Variants in LARGE1 observed in about 807,000 individuals in gnomAD.
LARGE1 encodes LARGE xylosyl- and glucuronyltransferase 1.
Under a neutral mutation model 87.6 loss-of-function variants are expected in LARGE1, and 43 were observed. That is an observed-to-expected ratio of 0.49 (90% CI 0.38 to 0.63). The LOEUF (loss-of-function observed/expected upper bound fraction) is 0.63, where lower values mean the gene tolerates loss of function less well. Ranked by LOEUF, LARGE1 falls within the 30% of genes least tolerant of loss-of-function variation. The pLI, the probability that LARGE1 is intolerant of heterozygous loss-of-function variation, is 0.00. For missense variants in LARGE1, 802 were observed against 1,000.2 expected (o/e 0.80, Z 2.67); for synonymous variants, 434 against 394.6 (o/e 1.10, Z -1.18).
intron 11 of LARGE1, among the ~76,000 whole-genome samples, chr22:33,305,124 CAT>C (rs555435991): frequency 2.8e-4 from 43 of 152,132 alleles, no homozygotes; most frequent in African/African-American, 9.6e-4. Flanking sequence ...AGAGGCCAGA[CAT>C]GTGTAGACAG....
intron 6 of LARGE1, among the ~76,000 whole-genome samples, chr22:33,466,694 A>C (rs963983790): frequency 9.5e-5 from 8 of 83,778 alleles, no homozygotes; most frequent in Non-Finnish European, 1.8e-4. Context: ...CTCTCTCTCT[A>C]CACACACACA....
chr22:33,778,106 G>A (rs558022847), intron 1 of LARGE1, among the ~76,000 whole-genome samples: 4 of 152,334 alleles, frequency 2.6e-5, no homozygotes, highest in Non-Finnish European at 4.4e-5. Flanking sequence ...AGGAGGAAAA[G>A]AGTCAGGAAA....
In LARGE1 at chr22:33,709,479, T is replaced by C. The variant is rs145509474; in HGVS notation, c.106+51892A>G. Among the ~76,000 whole-genome samples, 8 of 152,238 alleles carry C rather than the reference T, an allele frequency of 5.3e-5. No homozygotes were observed. The East Asian group carries it at 1.5e-3, about 29-fold the overall frequency. On this transcript the variant is annotated intron_variant, in intron 2 of 14. Transcript: ENST00000397394. ...CTTTACCCCTACTAGTCATTTGCAT[T>C]GAATGCACGCCAAGACTGCACTTGG...
At chr22:33,904,084 A>T (rs1240007746) in intron 1 of LARGE1, among the ~76,000 whole-genome samples, 1 of 152,134 alleles carries the variant, frequency 6.6e-6, no homozygotes, top group Non-Finnish European at 1.5e-5. Context: ...CTCTCCTAGA[A>T]TGACTCCTTC....
At chr22:33,536,484 T>A (rs2077047262) in intron 6 of LARGE1, among the ~76,000 whole-genome samples, 1 of 152,252 alleles carries the variant, frequency 6.6e-6, no homozygotes, top group South Asian at 2.1e-4. Context: ...GAGAGAGTGA[T>A]AAACCAGACA....
chr22:33,661,150 T>C (rs2081110331), intron 2 of LARGE1, among the ~76,000 whole-genome samples: 1 of 152,162 alleles, frequency 6.6e-6, no homozygotes, highest in Non-Finnish European at 1.5e-5. Context: ...TTTGTGAATC[T>C]ATACTTGCTG....
At chr22:33,374,100 A>G (rs2064917037) in intron 9 of LARGE1, among the ~76,000 whole-genome samples, 1 of 152,128 alleles carries the variant, frequency 6.6e-6, no homozygotes, top group African/African-American at 2.4e-5. Flanking sequence ...TAACCAAGAA[A>G]CTTCCCGTGC....
intron 1 of LARGE1, among the ~76,000 whole-genome samples, chr22:33,879,198 T>C (rs1435468221): frequency 3.3e-5 from 5 of 152,164 alleles, no homozygotes. Context: ...TCTCCTGACC[T>C]CAGGTGATCT....
At chr22:33,565,815 C>T (rs1392832341) in intron 5 of LARGE1, among the ~76,000 whole-genome samples, 2 of 152,198 alleles carry the variant, frequency 1.3e-5, no homozygotes, top group African/African-American at 2.4e-5. Context: ...TGCAGGTGGG[C>T]AGAGTCATCA....
chr22:33,623,039 A>C (rs1289933925), intron 4 of LARGE1, among the ~76,000 whole-genome samples: 2 of 152,164 alleles, frequency 1.3e-5, no homozygotes. Context: ...TTTATACACA[A>C]CACCAGAGGT....
At chr22:33,109,705 G>A in the LARGE1 span, among the ~76,000 whole-genome samples, 4 of 152,192 alleles carry the variant, frequency 2.6e-5, no homozygotes, top group Non-Finnish European at 5.9e-5. Flanking sequence ...GGCCTAGTGG[G>A]AGTGGGAGAT....
At chr22:33,149,072 C>T in the LARGE1 span, among the ~76,000 whole-genome samples, 6 of 146,032 alleles carry the variant, frequency 4.1e-5, no homozygotes, top group African/African-American at 1.5e-4. Context: ...GAGTCTCGCT[C>T]TGTTGCCCAG....
At chr22:33,800,929 G>A (rs2086141084) in intron 1 of LARGE1, among the ~76,000 whole-genome samples, 1 of 152,148 alleles carries the variant, frequency 6.6e-6, no homozygotes. Context: ...CGGTGATATG[G>A]TTTGGCTGTG....
chr22:33,478,718 A>T (rs5998959), intron 6 of LARGE1, among the ~76,000 whole-genome samples: 1 of 152,196 alleles, frequency 6.6e-6, no homozygotes, highest in South Asian at 2.1e-4. Context: ...ACATGAAAGC[A>T]TCTGGCACAA....
intron 2 of LARGE1, among the ~76,000 whole-genome samples, chr22:33,683,434 C>T (rs2081842844): frequency 6.6e-6 from 1 of 152,236 alleles, no homozygotes; most frequent in South Asian, 2.1e-4. Context: ...AGGTCTCCAG[C>T]TTTGCTGACT....
intron 11 of LARGE1, among the ~76,000 whole-genome samples, chr22:33,178,666 C>T (rs892736971): frequency 1.3e-5 from 2 of 152,180 alleles, no homozygotes; most frequent in African/African-American, 4.8e-5. Flanking sequence ...ACTTGAAGAA[C>T]AGAATATTCT....
chr22:33,421,326 T>A (rs1050867575), intron 7 of LARGE1, among the ~76,000 whole-genome samples: 2 of 152,194 alleles, frequency 1.3e-5, no homozygotes, highest in African/African-American at 4.8e-5. Context: ...TAACTCCTTT[T>A]CTCCTGAAGG....
intron 12 of LARGE1, among the ~76,000 whole-genome samples, chr22:33,295,067 G>T (rs964023805): frequency 6.6e-6 from 1 of 152,166 alleles, no homozygotes; most frequent in Non-Finnish European, 1.5e-5. Context: ...CACCTGCCAC[G>T]AGACAGGGCA....
chr22:33,425,346 G>A (rs1047478596), intron 7 of LARGE1, among the ~76,000 whole-genome samples: 6 of 152,178 alleles, frequency 3.9e-5, no homozygotes, highest in Admixed American at 3.9e-4. Context: ...CAATGAGAAG[G>A]TGTCCATGTG....
Sources: allele counts gnomAD v4.1 joint callset (sites outside exome capture counted in the v4.1 genomes callset), GRCh38; gene constraint gnomAD v4.1.1; transcripts MANE v1.5; gene names NCBI Gene and HGNC (gene_info 2026-07-23, HGNC 2026-07-21).